The following PEBP4 variants were observed in gnomAD, a reference collection of about 807,000 sequenced individuals.
PEBP4 encodes phosphatidylethanolamine binding protein 4.
A neutral mutation model predicts 23.9 loss-of-function variants in PEBP4; 22 were observed. That is an observed-to-expected ratio of 0.92 (90% CI 0.66 to 1.31). The LOEUF is 1.31. Ranked by LOEUF, PEBP4 falls within the 40% of genes most tolerant of loss-of-function variation. PEBP4 has a pLI of 0.00. For missense variants in PEBP4, 324 were observed against 281.7 expected, an observed-to-expected ratio of 1.15 and a Z score of -1.07; for synonymous variants, 112 against 99.3, an observed-to-expected ratio of 1.13 and a Z score of -0.76.
At chr8:22,734,426 C>T (rs551237391) in intron 4 of PEBP4, among the ~76,000 whole-genome samples, 3 of 152,312 alleles carry the variant, frequency 2.0e-5, no homozygotes, top group Non-Finnish European at 4.4e-5. Flanking sequence ...CTTCTAGACT[C>T]CAGGGTGTAG....
At chr8:22,745,866 C>T (rs558709427) in intron 4 of PEBP4, 2 of 152,348 alleles carry the variant, frequency 1.3e-5, no homozygotes, top group Admixed American at 1.3e-4. Flanking sequence ...AACTGAGGCT[C>T]AGGGAGGCAG....
At chr8:22,739,057 G>A (rs183733686) in intron 4 of PEBP4, among the ~76,000 whole-genome samples, 15 of 152,262 alleles carry the variant, frequency 9.9e-5, no homozygotes, top group Admixed American at 9.1e-4. Flanking sequence ...CAGGGGGCCA[G>A]GACAAACAGA....
At chr8:22,929,106 A>G (rs562806727), upstream of PEBP4, among the ~76,000 whole-genome samples, 4 of 152,356 alleles carry the variant, frequency 2.6e-5, no homozygotes, top group African/African-American at 9.6e-5. Flanking sequence ...TCATTATGAG[A>G]ATGAAATCAA....
chr8:22,813,521 A>G (rs1307704410), intron 4 of PEBP4, among the ~76,000 whole-genome samples: 4 of 152,224 alleles, frequency 2.6e-5, no homozygotes, highest in Non-Finnish European at 5.9e-5. Context: ...AAAGCTCTGA[A>G]CACTAACTTC....
Position 22,927,653 on chromosome 8 carries a change from G to C in PEBP4, c.62C>G (p.Thr21Ser). The C allele has an allele frequency of 6.2e-7, 1 of 1,614,008 alleles. No homozygotes were observed. Among genetic ancestry groups the C allele is most frequent in the South Asian group, 1.1e-5 (1 of 91,046 alleles). ...CGGGCTGTTCTCATCCTCGTCTCCA[G>C]TGACCACCATCATGAGACCCAGTAA... The part of the protein sequence containing the change: ...ALLLGLMMVV[T>S]GDEDENSPCA... The change falls in exon 2 of 7, where the codon ACT becomes AGT. Residue 21 changes from threonine (T) to serine (S), a missense_variant. By Grantham distance (58) the Thr-to-Ser change is moderately conservative. Coordinates refer to ENST00000256404, the MANE Select transcript of PEBP4 (RefSeq NM_144962.3).
intron 4 of PEBP4, among the ~76,000 whole-genome samples, chr8:22,809,164 C>T (rs1036183535): frequency 6.6e-6 from 1 of 152,202 alleles, no homozygotes; most frequent in African/African-American, 2.4e-5. Context: ...CCAGGTGCTA[C>T]GTGCTGGGTG....
intron 4 of PEBP4, among the ~76,000 whole-genome samples, chr8:22,802,382 A>T (rs1806402461): frequency 6.6e-6 from 1 of 151,990 alleles, no homozygotes; most frequent in Non-Finnish European, 1.5e-5. Flanking sequence ...TGCCCCCAAC[A>T]CGTCTCCTGC....
intron 3 of PEBP4, among the ~76,000 whole-genome samples, chr8:22,874,738 T>C (rs1808085596): frequency 6.6e-6 from 1 of 152,218 alleles, no homozygotes; most frequent in Admixed American, 6.5e-5. Context: ...TCCACTCCTA[T>C]GGCAGCCTCA....
intron 6 of PEBP4, among the ~76,000 whole-genome samples, chr8:22,718,202 A>T (rs1804452208): frequency 6.6e-6 from 1 of 152,022 alleles, no homozygotes; most frequent in South Asian, 2.1e-4. Flanking sequence ...TCTCCTCTGG[A>T]GAGAGGACCC....
chr8:22,839,372 G>C (rs1807273828), intron 3 of PEBP4, among the ~76,000 whole-genome samples: 1 of 152,150 alleles, frequency 6.6e-6, no homozygotes, highest in Admixed American at 6.5e-5. Flanking sequence ...AAAGGAGCTA[G>C]ATGGGCTCAA....
At chr8:22,715,262 G>A (rs1044171118) in intron 6 of PEBP4, among the ~76,000 whole-genome samples, 1 of 152,202 alleles carries the variant, frequency 6.6e-6, no homozygotes, top group African/African-American at 2.4e-5. Context: ...CTGCAGCCGG[G>A]TTCTCCTAGG....
intron 3 of PEBP4, among the ~76,000 whole-genome samples, chr8:22,828,521 GC>G (rs1276437203): frequency 2.6e-5 from 4 of 151,952 alleles, no homozygotes; most frequent in Non-Finnish European, 5.9e-5. Context: ...TGTTTTCCTG[GC>G]TTTCCCCTGA....
chr8:22,916,417 C>T (rs1314518884), intron 3 of PEBP4, among the ~76,000 whole-genome samples: 6 of 152,208 alleles, frequency 3.9e-5, no homozygotes, highest in Non-Finnish European at 5.9e-5. Context: ...GAGCCAGCCA[C>T]GTTTTCCTGT....
chr8:22,930,817 G>T (rs151232828), upstream of PEBP4, among the ~76,000 whole-genome samples: 1 of 152,260 alleles, frequency 6.6e-6, no homozygotes, highest in East Asian at 1.9e-4. Context: ...CAAGCTTGCG[G>T]AGTGACAATT....
At chr8:22,858,056 A>G (rs1807693192) in intron 3 of PEBP4, among the ~76,000 whole-genome samples, 1 of 152,178 alleles carries the variant, frequency 6.6e-6, no homozygotes, top group Non-Finnish European at 1.5e-5. Flanking sequence ...GAATTCTTCT[A>G]GGTGACAAGG....
chr8:22,743,852 C>G (rs1482684988), intron 4 of PEBP4, among the ~76,000 whole-genome samples: 1 of 152,188 alleles, frequency 6.6e-6, no homozygotes, highest in Non-Finnish European at 1.5e-5. Flanking sequence ...CTGAGCAGAA[C>G]TAGACTCCGT....
chr8:22,866,045 C>T (rs1026500872), intron 3 of PEBP4, among the ~76,000 whole-genome samples: 4 of 152,236 alleles, frequency 2.6e-5, no homozygotes, highest in Non-Finnish European at 5.9e-5. Flanking sequence ...CCACGCCTGT[C>T]CCCTTTCAGA....
intron 3 of PEBP4, among the ~76,000 whole-genome samples, chr8:22,819,371 T>G (rs1055803199): frequency 4.6e-5 from 7 of 152,214 alleles, no homozygotes; most frequent in Admixed American, 4.6e-4. Context: ...ACAATCTGAT[T>G]TGACAACTTG....
At chr8:22,859,316 C>CA (rs1807718377) in intron 3 of PEBP4, among the ~76,000 whole-genome samples, 1 of 152,194 alleles carries the variant, frequency 6.6e-6, no homozygotes, top group South Asian at 2.1e-4. Flanking sequence ...GTTGAGCTTG[C>CA]AGCACTGAGG....
Sources: gnomAD v4.1 joint callset for allele counts (sites outside exome capture counted in the v4.1 genomes callset) on GRCh38, gnomAD v4.1.1 for gene constraint, MANE v1.5 for transcripts, NCBI Gene and HGNC (gene_info 2026-07-23, HGNC 2026-07-21) for gene names.